The following CTDSPL variants were observed in gnomAD, a reference collection of about 807,000 sequenced individuals.
CTDSPL encodes the protein CTD small phosphatase like, also known as CTD small phosphatase-like protein.
In CTDSPL, 8 loss-of-function variants were observed where a neutral mutation model predicts 30.5. The observed-to-expected ratio is 0.26, with a 90% confidence interval of 0.15 to 0.47. CTDSPL has a LOEUF of 0.47. CTDSPL is among the 20% of genes least tolerant of loss of function. The probability of loss-of-function intolerance (pLI) is 0.99; values close to 1 mark genes in which losing one functional copy is unlikely to be tolerated. For missense variants in CTDSPL, 248 were observed against 366.1 expected (o/e 0.68, Z 2.63); for synonymous variants, 110 against 137.9 (o/e 0.80, Z 1.42).
At chr3:37,880,046 T>A (rs554484710) in intron 1 of CTDSPL, among the ~76,000 whole-genome samples, 4 of 150,724 alleles carry the variant, frequency 2.7e-5, no homozygotes, top group South Asian at 4.2e-4. Context: ...CACAGTGCTT[T>A]AAGAAAAGGA....
At chr3:37,876,934 C>T (rs369226520) in intron 1 of CTDSPL, among the ~76,000 whole-genome samples, 3 of 151,656 alleles carry the variant, frequency 2.0e-5, no homozygotes, top group Admixed American at 6.6e-5. Flanking sequence ...GGTGAAACCC[C>T]GTCTCTACTA....
rs754421813 is a variant in CTDSPL, at chr3:37,980,782, A to T, written c.746A>T (p.Glu249Val). The T allele has an allele frequency of 6.2e-7, 1 of 1,614,238 alleles. No homozygotes were observed. The highest frequency in any genetic ancestry group is 1.1e-5 in the South Asian group (1 of 91,086). Residue 249 changes from glutamate (E) to valine (V), a missense_variant, in exon 8 of 8, where the codon GAG (glutamate) becomes GTG (valine). Physicochemically the swap from Glu to Val is moderately radical, Grantham distance 121. Around this residue, in one of 4 missense-constraint regions of CTDSPL, gnomAD observed 84 missense variants for 139.4 expected, o/e 0.60. Coordinates refer to ENST00000273179, the MANE Select transcript of CTDSPL (RefSeq NM_001008392.2). ...TGGTTCGATGACATGACGGACACGG[A>T]GCTGCTGGACCTCATCCCCTTCTTT... Reference protein sequence around the residue: ...QSWFDDMTDTELLDLIPFFEG... With the variant: ...QSWFDDMTDTVLLDLIPFFEG...
At chr3:37,939,651 A>G (rs1018183235) in intron 1 of CTDSPL, among the ~76,000 whole-genome samples, 1 of 150,290 alleles carries the variant, frequency 6.7e-6, no homozygotes, top group Admixed American at 6.7e-5. Flanking sequence ...CCTTGCTGTC[A>G]TTACTCCTAT....
At chr3:37,937,090 G>A (rs1424003631) in intron 1 of CTDSPL, among the ~76,000 whole-genome samples, 1 of 150,308 alleles carries the variant, frequency 6.7e-6, no homozygotes, top group African/African-American at 2.4e-5. Context: ...AGAGACATCA[G>A]TCCAAAACCA....
intron 6 of CTDSPL, among the ~76,000 whole-genome samples, chr3:37,973,526 C>T (rs551949872): frequency 6.6e-6 from 1 of 152,330 alleles, no homozygotes; most frequent in South Asian, 2.1e-4. Flanking sequence ...GTGCAGCCTT[C>T]CACCCTCTTT....
intron 1 of CTDSPL, among the ~76,000 whole-genome samples, chr3:37,937,138 C>T (rs62240051): frequency 0.061 from 9,203 of 150,352 alleles, 748 homozygotes; most frequent in Middle Eastern, 0.085. Context: ...AGTGAGTACT[C>T]ACAGCCAAGG....
At chr3:37,883,199 T>C (rs1698227476) in intron 1 of CTDSPL, among the ~76,000 whole-genome samples, 1 of 152,170 alleles carries the variant, frequency 6.6e-6, no homozygotes, top group African/African-American at 2.4e-5. Context: ...TTAAAAGAAA[T>C]CCAGTTGGAC....
At chr3:37,920,192 A>C (rs9826388) in intron 1 of CTDSPL, among the ~76,000 whole-genome samples, 11 of 152,078 alleles carry the variant, frequency 7.2e-5, no homozygotes, top group African/African-American at 2.7e-4. Context: ...GCAGGGATTC[A>C]CGATCTCCAC....
At chr3:37,888,125 A>T (rs1440632417) in intron 1 of CTDSPL, among the ~76,000 whole-genome samples, 5 of 152,168 alleles carry the variant, frequency 3.3e-5, no homozygotes, top group Non-Finnish European at 4.4e-5. Flanking sequence ...GGTCTGAAGG[A>T]TCCACGCATG....
At chr3:37,867,357 G>T (rs1213994411) in intron 1 of CTDSPL, among the ~76,000 whole-genome samples, 1 of 151,820 alleles carries the variant, frequency 6.6e-6, no homozygotes, top group African/African-American at 2.4e-5. Context: ...AACCATTCAC[G>T]CTTTGAATGA....
chr3:37,903,356 T>TG (rs1328150615), intron 1 of CTDSPL, among the ~76,000 whole-genome samples: 9 of 152,336 alleles, frequency 5.9e-5, no homozygotes, highest in Non-Finnish European at 8.8e-5. Flanking sequence ...GCGATCCATT[T>TG]GAGAGGCCTT....
chr3:37,927,355 G>A (rs1371035000), intron 1 of CTDSPL, among the ~76,000 whole-genome samples: 1 of 152,028 alleles, frequency 6.6e-6, no homozygotes, highest in Non-Finnish European at 1.5e-5. Context: ...AGGTATATAT[G>A]AAATATAAAT....
intron 1 of CTDSPL, among the ~76,000 whole-genome samples, chr3:37,874,627 G>A (rs2125589642): frequency 6.6e-6 from 1 of 152,286 alleles, no homozygotes; most frequent in South Asian, 2.1e-4. Flanking sequence ...CTGCTCGGGA[G>A]GCTGAGGCAG....
At chr3:37,907,382 A>C (rs576006018) in intron 1 of CTDSPL, among the ~76,000 whole-genome samples, 1 of 152,364 alleles carries the variant, frequency 6.6e-6, no homozygotes, top group Admixed American at 6.5e-5. Flanking sequence ...TTCTTGAAAT[A>C]CATGAAAAAT....
intron 3 of CTDSPL, among the ~76,000 whole-genome samples, chr3:37,959,169 G>A (rs1048010782): frequency 3.3e-5 from 5 of 152,162 alleles, no homozygotes; most frequent in African/African-American, 1.2e-4. Flanking sequence ...TAAGCCTGTG[G>A]TGACCAGAGC....
intron 1 of CTDSPL, among the ~76,000 whole-genome samples, chr3:37,867,188 C>A (rs1301696684): frequency 2.0e-5 from 3 of 152,084 alleles, no homozygotes; most frequent in Non-Finnish European, 4.4e-5. Flanking sequence ...TTTTTAGGAA[C>A]ATTATCTAAA....
intron 1 of CTDSPL, among the ~76,000 whole-genome samples, chr3:37,913,748 A>G (rs1470036614): frequency 6.6e-6 from 1 of 152,094 alleles, no homozygotes; most frequent in African/African-American, 2.4e-5. Flanking sequence ...TGCTCCAGGA[A>G]CCTACCAGCG....
chr3:37,905,747 G>A (rs1698507957), intron 1 of CTDSPL, among the ~76,000 whole-genome samples: 1 of 152,258 alleles, frequency 6.6e-6, no homozygotes, highest in African/African-American at 2.4e-5. Flanking sequence ...TGTCCAAGGT[G>A]TAACACACAG....
At chr3:37,925,735 G>A (rs947990123) in intron 1 of CTDSPL, among the ~76,000 whole-genome samples, 4 of 152,186 alleles carry the variant, frequency 2.6e-5, no homozygotes, top group Non-Finnish European at 5.9e-5. Context: ...ACATGTGGAA[G>A]CCAGTGGAGG....
Sources: allele counts gnomAD v4.1 joint callset (sites outside exome capture counted in the v4.1 genomes callset), GRCh38; gene constraint gnomAD v4.1.1; regional missense constraint gnomAD v4.1.1; transcripts MANE v1.5; gene names NCBI Gene and HGNC (gene_info 2026-07-23, HGNC 2026-07-21).